MRAS: variants seen among roughly 807,000 people sequenced by gnomAD.
The protein encoded by MRAS is muscle RAS oncogene homolog.
In MRAS, 4 loss-of-function variants were observed where a neutral mutation model predicts 20.9. The ratio of observed to expected loss-of-function variants is 0.19; its 90% CI spans 0.09 to 0.44. MRAS has a LOEUF of 0.44. Ranked by LOEUF, MRAS falls within the 20% of genes least tolerant of loss-of-function variation. The pLI, the probability that MRAS is intolerant of heterozygous loss-of-function variation, is 0.99. For synonymous variants in MRAS, 98 were observed against 102.9 expected (o/e 0.95, Z 0.29); for missense variants, 154 against 277.5 (o/e 0.56, Z 3.16).
chr3:138,400,384 A>T (rs1176341186), intron 4 of MRAS, 150 bp from the exon 5 acceptor site: 1 of 689,980 alleles, frequency 1.4e-6, no homozygotes, highest in Non-Finnish European at 2.6e-6. Context: ...GAAAAGCCCT[A>T]AATGATGCTT....
chr3:138,397,592 AT>A (rs1357847250), intron 3 of MRAS, 115 bp downstream of exon 3: 3 of 1,287,928 alleles, frequency 2.3e-6, no homozygotes, highest in Non-Finnish European at 1.1e-6. Flanking sequence ...AAAGGCGTGG[AT>A]TTTTTTAAGC....
At chr3:138,388,371 A>G (rs963330296) in intron 2 of MRAS, among the ~76,000 whole-genome samples, 1 of 152,180 alleles carries the variant, frequency 6.6e-6, no homozygotes, top group Non-Finnish European at 1.5e-5. Flanking sequence ...CCTGCCTCCC[A>G]TGACGGGTTT....
At chr3:138,352,231 C>G (rs2054243351) in intron 1 of MRAS, among the ~76,000 whole-genome samples, 1 of 152,142 alleles carries the variant, frequency 6.6e-6, no homozygotes, top group African/African-American at 2.4e-5. Context: ...CAATGGTGCC[C>G]CATCTCTTGT....
intron 1 of MRAS, among the ~76,000 whole-genome samples, chr3:138,351,246 C>T (rs2054220993): frequency 9.7e-6 from 1 of 103,340 alleles, no homozygotes; most frequent in South Asian, 3.8e-4. Flanking sequence ...AAAAACATAC[C>T]TGCTCATGAG....
intron 1 of MRAS, among the ~76,000 whole-genome samples, chr3:138,367,982 A>G (rs1385686894): frequency 6.6e-6 from 1 of 152,256 alleles, no homozygotes; most frequent in Non-Finnish European, 1.5e-5. Flanking sequence ...AGTTTCCAGT[A>G]TGAACAACGG....
intron 4 of MRAS, among the ~76,000 whole-genome samples, chr3:138,398,909 C>T (rs953574695): frequency 1.9e-4 from 29 of 152,292 alleles, no homozygotes; most frequent in Admixed American, 1.9e-3. Flanking sequence ...GGTAGGAGTA[C>T]AGGATGTGAA....
At chr3:138,375,971 G>T (rs1012303338) in intron 2 of MRAS, among the ~76,000 whole-genome samples, 2 of 152,174 alleles carry the variant, frequency 1.3e-5, no homozygotes, top group African/African-American at 4.8e-5. Flanking sequence ...CTGGGCAACA[G>T]AGTGAGACTC....
chr3:138,399,500 A>G (rs753762519), intron 4 of MRAS, among the ~76,000 whole-genome samples: 1 of 151,246 alleles, frequency 6.6e-6, no homozygotes, highest in Non-Finnish European at 1.5e-5. Context: ...GTTCTGGGCA[A>G]TGATTTACAA....
intron 2 of MRAS, among the ~76,000 whole-genome samples, chr3:138,388,139 G>T (rs1039090185): frequency 6.6e-6 from 1 of 152,182 alleles, no homozygotes; most frequent in Non-Finnish European, 1.5e-5. Context: ...AGAAGTTCAA[G>T]AAATCAGCCC....
rs34770279 is a variant in MRAS, at chr3:138,385,156, ATTTTTTTTTTT to A, written c.193+12098_193+12108del. On this transcript the variant is annotated intron_variant, in intron 2 of 5. Coordinates refer to ENST00000423968, the MANE Select transcript of MRAS (RefSeq NM_001085049.3). ...CCAAGGGGCGGGGTTTTGATTTGTAATTTTTTTTTTTTTTTTTTTTTTTTTTTTAAAGACAG... is the reference window on the plus strand; with the variant it reads ...CCAAGGGGCGGGGTTTTGATTTGTAATTTTTTTTTTTTTTTTTAAAGACAG... 2.7e-3 allele frequency among the ~76,000 whole-genome samples: 179 copies of A among 66,502 alleles called. 1 individual carries two copies. Among genetic ancestry groups the A allele is most frequent in the African/African-American group, 0.011 (162 of 15,424 alleles). The allele number at this position is 66,502 out of a possible 152,430, so 43.6% of individuals were successfully genotyped here.
chr3:138,369,438 T>A (rs1000083950), intron 1 of MRAS, among the ~76,000 whole-genome samples: 2 of 151,952 alleles, frequency 1.3e-5, no homozygotes, highest in African/African-American at 4.8e-5. Context: ...ACAGGACACA[T>A]TGGGGGACCA....
intron 2 of MRAS, among the ~76,000 whole-genome samples, chr3:138,381,752 T>G (rs2054909801): frequency 6.6e-6 from 1 of 152,218 alleles, no homozygotes; most frequent in African/African-American, 2.4e-5. Context: ...CATCAGAAGC[T>G]GGGACATTTC....
chr3:138,398,262 T>A (rs565563862), intron 3 of MRAS, among the ~76,000 whole-genome samples: 1 of 152,198 alleles, frequency 6.6e-6, no homozygotes, highest in East Asian at 1.9e-4. Flanking sequence ...ACCTGAGGCT[T>A]AAAGCCAAGA....
chr3:138,379,406 G>C, intron 2 of MRAS, among the ~76,000 whole-genome samples: 1 of 139,164 alleles, frequency 7.2e-6, no homozygotes. Flanking sequence ...CACTTGTTGG[G>C]CAGACTAGAG....
chr3:138,378,615 G>A (rs2054834198), intron 2 of MRAS, among the ~76,000 whole-genome samples: 2 of 152,108 alleles, frequency 1.3e-5, no homozygotes, highest in Non-Finnish European at 2.9e-5. Context: ...ACCTCACCTT[G>A]GCTTTCAGCT....
chr3:138,354,118 G>A (rs1274544604), intron 1 of MRAS, among the ~76,000 whole-genome samples: 3 of 152,236 alleles, frequency 2.0e-5, no homozygotes, highest in African/African-American at 4.8e-5. Context: ...AGGCAGCAGA[G>A]GTGCAGAAGA....
chr3:138,364,543 G>A (rs867511083), intron 1 of MRAS, among the ~76,000 whole-genome samples: 4 of 152,320 alleles, frequency 2.6e-5, no homozygotes, highest in Middle Eastern at 6.8e-3. Flanking sequence ...CCAGTTGAGG[G>A]GCCAGTCCTG....
intron 1 of MRAS, among the ~76,000 whole-genome samples, chr3:138,353,855 T>A (rs1306511096): frequency 3.3e-5 from 5 of 152,236 alleles, no homozygotes; most frequent in Admixed American, 6.5e-5. Context: ...GTTAAGTAGG[T>A]CACCTGCAGT....
At chr3:138,357,308 A>C (rs952836837) in intron 1 of MRAS, among the ~76,000 whole-genome samples, 4 of 152,240 alleles carry the variant, frequency 2.6e-5, no homozygotes, top group African/African-American at 9.6e-5. Flanking sequence ...CAGAATTGGC[A>C]GCCTGGGGAC....
Sources: gnomAD v4.1 joint callset for allele counts (sites outside exome capture counted in the v4.1 genomes callset) on GRCh38, gnomAD v4.1.1 for gene constraint, MANE v1.5 for transcripts, NCBI Gene and HGNC (gene_info 2026-07-23, HGNC 2026-07-21) for gene names.